ROBO2: variants seen among roughly 807,000 people sequenced by gnomAD.
The protein encoded by ROBO2 is roundabout homolog 2.
In ROBO2, 53 loss-of-function variants were observed where a neutral mutation model predicts 160.8. The observed-to-expected ratio is 0.33, with a 90% CI of 0.26 to 0.41. The LOEUF (loss-of-function observed/expected upper bound fraction) is 0.41. Ranked by LOEUF, ROBO2 falls within the 10% of genes least tolerant of loss-of-function variation. ROBO2 has a pLI of 1.00. For synonymous variants in ROBO2, 664 were observed against 611.7 expected, an observed-to-expected ratio of 1.09 and a Z score of -1.26; for missense variants, 1,577 against 1,722.4, an observed-to-expected ratio of 0.92 and a Z score of 1.49.
intron 2 of ROBO2, among the ~76,000 whole-genome samples, chr3:77,197,505 C>G (rs1265354079): frequency 6.6e-6 from 1 of 152,092 alleles, no homozygotes; most frequent in Non-Finnish European, 1.5e-5. Context: ...CTATTTAGGT[C>G]CTGTTGGTTC....
chr3:75,943,766 A>G (rs1948156207), intron 2 of ROBO2, among the ~76,000 whole-genome samples: 1 of 152,000 alleles, frequency 6.6e-6, no homozygotes, highest in African/African-American at 2.4e-5. Flanking sequence ...CAGTGACACA[A>G]TCTTGGCTCA....
Position 77,311,824 on chromosome 3 carries a change from C to T in ROBO2, c.389-165590C>T, listed in dbSNP as rs567101998. ...ACTCAGGGCCGGGCGCAGTGGGTCA[C>T]GCCTGTAATCCCAACACTTTGAGAG... is the stretch of plus-strand genomic sequence containing the variant. On this transcript the variant is annotated intron_variant, in intron 2 of 25. Transcript: ENST00000461745. Among the ~76,000 whole-genome samples the T allele has an allele frequency of 1.8e-4, 28 of 152,246 alleles. No individual in the cohort carries two copies. The East Asian group carries it at 2.1e-3, about 12-fold the overall frequency.
intron 2 of ROBO2, among the ~76,000 whole-genome samples, chr3:76,423,599 A>G (rs1186440394): frequency 6.6e-6 from 1 of 152,168 alleles, no homozygotes; most frequent in Non-Finnish European, 1.5e-5. Context: ...AAATTGGAAA[A>G]TGGGATTTGA....
chr3:75,907,511 C>T (rs1457954050), intron 1 of ROBO2, among the ~76,000 whole-genome samples: 2 of 152,128 alleles, frequency 1.3e-5, no homozygotes, highest in Non-Finnish European at 2.9e-5. Context: ...AAGGGAACTT[C>T]AGGCTCTCTA....
chr3:76,962,196 G>A (rs1479288889), intron 2 of ROBO2, among the ~76,000 whole-genome samples: 2 of 152,108 alleles, frequency 1.3e-5, no homozygotes, highest in African/African-American at 4.8e-5. Context: ...TTAGCTGGGT[G>A]TGGTGGCAGG....
At chr3:77,170,834 G>C (rs1437003395) in intron 2 of ROBO2, among the ~76,000 whole-genome samples, 2 of 152,066 alleles carry the variant, frequency 1.3e-5, no homozygotes, top group Admixed American at 6.6e-5. Flanking sequence ...TTCCCCAAAT[G>C]AATGTTTAAA....
At chr3:77,193,532 G>T (rs888363159) in intron 2 of ROBO2, among the ~76,000 whole-genome samples, 2 of 150,800 alleles carry the variant, frequency 1.3e-5, no homozygotes, top group East Asian at 1.9e-4. Flanking sequence ...GATTCCAACA[G>T]ATAACTTTTG....
chr3:77,005,175 C>A (rs1392785373), intron 2 of ROBO2, among the ~76,000 whole-genome samples: 1 of 152,198 alleles, frequency 6.6e-6, no homozygotes, highest in African/African-American at 2.4e-5. Context: ...AATGGCACCA[C>A]CACTGAAAAG....
intron 2 of ROBO2, among the ~76,000 whole-genome samples, chr3:76,222,685 C>A (rs1704046364): frequency 6.6e-6 from 1 of 151,976 alleles, no homozygotes; most frequent in Non-Finnish European, 1.5e-5. Context: ...CGGCTCATAC[C>A]AGACTACTAT....
intron 2 of ROBO2, among the ~76,000 whole-genome samples, chr3:76,844,866 G>GT (rs772247191): frequency 7.3e-5 from 11 of 150,342 alleles, no homozygotes; most frequent in Non-Finnish European, 1.6e-4. Flanking sequence ...CAACAAAGTA[G>GT]TAGTGACTTT....
intron 2 of ROBO2, among the ~76,000 whole-genome samples, chr3:76,201,594 C>G (rs572121402): frequency 6.6e-6 from 1 of 152,030 alleles, no homozygotes; most frequent in Non-Finnish European, 1.5e-5. Context: ...TTGCCGTTAC[C>G]CTCTTCAAAG....
At chr3:77,089,181 G>T (rs2069774451) in intron 1 of ROBO2, among the ~76,000 whole-genome samples, 1 of 152,212 alleles carries the variant, frequency 6.6e-6, no homozygotes, top group African/African-American at 2.4e-5. Flanking sequence ...CTTCTAAAAT[G>T]TGGGTAAGAA....
intron 1 of ROBO2, among the ~76,000 whole-genome samples, chr3:75,927,959 CT>C (rs1947352801): frequency 6.9e-6 from 1 of 144,170 alleles, no homozygotes; most frequent in Non-Finnish European, 1.5e-5. Flanking sequence ...TATAGCCTTT[CT>C]TTAATGATTT....
intron 2 of ROBO2, among the ~76,000 whole-genome samples, chr3:77,233,457 C>G (rs944085198): frequency 7.2e-5 from 11 of 152,150 alleles, no homozygotes; most frequent in African/African-American, 2.7e-4. Flanking sequence ...AAAGCAACAT[C>G]TGCTTCCTAG....
intron 2 of ROBO2, among the ~76,000 whole-genome samples, chr3:76,407,331 A>G (rs568461093): frequency 3.4e-4 from 52 of 151,900 alleles, no homozygotes. Flanking sequence ...GTTAATTTAC[A>G]TATTGTTTAG....
chr3:76,601,088 C>T (rs2087105961), intron 2 of ROBO2, among the ~76,000 whole-genome samples: 1 of 152,212 alleles, frequency 6.6e-6, no homozygotes, highest in Admixed American at 6.5e-5. Flanking sequence ...TCTCCTTTGA[C>T]TCCATGTCTC....
intron 2 of ROBO2, among the ~76,000 whole-genome samples, chr3:76,136,455 C>T (rs562074089): frequency 1.3e-5 from 2 of 152,128 alleles, no homozygotes; most frequent in African/African-American, 4.8e-5. Context: ...GATAAACAAC[C>T]TTCCTTCTCA....
At chr3:77,445,840 T>A (rs553349366) in intron 2 of ROBO2, among the ~76,000 whole-genome samples, 39 of 151,216 alleles carry the variant, frequency 2.6e-4, no homozygotes, top group Non-Finnish European at 5.3e-4. Context: ...AGGATAGCTT[T>A]CTGTAATATA....
chr3:77,607,051 C>T (rs1399053540), intron 20 of ROBO2, among the ~76,000 whole-genome samples: 1 of 152,126 alleles, frequency 6.6e-6, no homozygotes, highest in East Asian at 1.9e-4. Flanking sequence ...CCATGTAATC[C>T]TAGATATGGC....
Sources: gnomAD v4.1 joint callset for allele counts (sites outside exome capture counted in the v4.1 genomes callset) on GRCh38, gnomAD v4.1.1 for gene constraint, MANE v1.5 for transcripts, NCBI Gene and HGNC (gene_info 2026-07-23, HGNC 2026-07-21) for gene names.